Variants in RIMS1 observed in about 807,000 individuals in gnomAD.
The protein encoded by RIMS1 is regulating synaptic membrane exocytosis protein 1.
A neutral mutation model predicts 214.1 loss-of-function variants in RIMS1; 83 were observed. That is an observed-to-expected ratio of 0.39 (90% CI 0.32 to 0.47). RIMS1 has a LOEUF of 0.47. Among genes scored for constraint, RIMS1 ranks in the 20% least tolerant of loss-of-function variants. RIMS1 has a pLI of 0.99. For synonymous variants in RIMS1, 793 were observed against 786.8 expected, an observed-to-expected ratio of 1.01 and a Z score of -0.13; for missense variants, 2,050 against 2,161.8, an observed-to-expected ratio of 0.95 and a Z score of 1.03.
chr6:72,266,554 T>C (rs1016514504), intron 22 of RIMS1, among the ~76,000 whole-genome samples: 2 of 152,190 alleles, frequency 1.3e-5, no homozygotes, highest in Non-Finnish European at 2.9e-5. Flanking sequence ...CTCTTTGATA[T>C]AATGTTTTAC....
At chr6:72,356,049 A>G (rs1209048004) in intron 29 of RIMS1, among the ~76,000 whole-genome samples, 1 of 152,202 alleles carries the variant, frequency 6.6e-6, no homozygotes, top group East Asian at 1.9e-4. Context: ...ATTCCAGTCT[A>G]CTATATTAAG....
In RIMS1 at chr6:72,338,686, A is replaced by T. The variant is rs192913108; in HGVS notation, c.4366+4851A>T. Among the ~76,000 whole-genome samples, 54 of 152,126 alleles carry T rather than the reference A, an allele frequency of 3.5e-4. No individual in the cohort carries two copies. The East Asian group carries it at 9.9e-3, about 28-fold the overall frequency. On this transcript the variant is annotated intron_variant, in intron 29 of 33. Transcript: ENST00000521978. ...GAACAGACACTTCTCAAAATAAGAC[A>T]TTTATGCAGCCAAAACACACAAGAC...
At position 71,945,635 on chromosome 6, in the gene RIMS1, C is replaced by T. The variant is rs536678857; in HGVS notation, c.165-23348C>T. ...ACAAGGATGCCCACTCACACCACTT[C>T]TATTCAACATAATACTGGATGCCCT... On this transcript the variant is annotated intron_variant, in intron 1 of 33. Coordinates refer to ENST00000521978, the MANE Select transcript of RIMS1 (RefSeq NM_014989.7). 1.2e-4 allele frequency among the ~76,000 whole-genome samples: 18 copies of T among 152,186 alleles called. 1 individual carries two copies. The South Asian group carries it at 3.7e-3, about 32-fold the overall frequency.
At chr6:72,125,328 T>C (rs1260796127) in intron 4 of RIMS1, among the ~76,000 whole-genome samples, 1 of 152,132 alleles carries the variant, frequency 6.6e-6, no homozygotes, top group Non-Finnish European at 1.5e-5. Flanking sequence ...GAACAGCAAA[T>C]ATTGCTGCCT....
At chr6:71,979,888 G>A (rs1798076925) in intron 2 of RIMS1, among the ~76,000 whole-genome samples, 1 of 152,092 alleles carries the variant, frequency 6.6e-6, no homozygotes, top group Non-Finnish European at 1.5e-5. Flanking sequence ...CAGTAAAAAT[G>A]AAGATTAGAT....
At chr6:72,060,203 A>T (rs1259173145) in intron 2 of RIMS1, among the ~76,000 whole-genome samples, 2 of 152,046 alleles carry the variant, frequency 1.3e-5, no homozygotes, top group Admixed American at 6.6e-5. Flanking sequence ...TCCCGACCTC[A>T]GGTGATCCAC....
intron 2 of RIMS1, among the ~76,000 whole-genome samples, chr6:72,051,478 T>TCTGGGTAATCTAGCGAGAGAGG (rs1824645139): frequency 6.6e-6 from 1 of 152,194 alleles, no homozygotes; most frequent in Non-Finnish European, 1.5e-5. Context: ...AGAATTTAAA[T>TCTGGGTAATCTAGCGAGAGAGG]CTGGGTAATC....
At position 71,904,330 on chromosome 6, in the gene RIMS1, A is replaced by T. The variant is rs570885759; in HGVS notation, c.164+17143A>T. Among the ~76,000 whole-genome samples the T allele has an allele frequency of 2.6e-5, 4 of 152,304 alleles. No individual in the cohort carries two copies. In the South Asian group the frequency reaches 8.3e-4, roughly 32 times the overall value. The stretch of plus-strand genomic sequence containing the variant: ...CAACACCTGTGTGGGAAGGGAAGTC[A>T]ACAGATTGGAAAGTAGGAGAAAGTG... On this transcript the variant is annotated intron_variant, in intron 1 of 33. Coordinates refer to ENST00000521978, the MANE Select transcript of RIMS1 (RefSeq NM_014989.7).
Position 71,886,988 on chromosome 6 carries a change from C to T in RIMS1, c.-36C>T. 1 of 1,604,714 alleles carries T rather than the reference C, an allele frequency of 6.2e-7. No homozygotes were observed. The highest frequency in any genetic ancestry group is 8.5e-7 in the Non-Finnish European group (1 of 1,175,414). On this transcript the variant is annotated 5_prime_UTR_variant, in exon 1 of 34. Transcript: ENST00000521978. Reference sequence around the variant, plus strand: ...GGGCGTGCATCCGAAAGGTGAGAGCCAGAGAGCGAGCAGAGGGGGCGGGCA... The same window carrying T: ...GGGCGTGCATCCGAAAGGTGAGAGCTAGAGAGCGAGCAGAGGGGGCGGGCA...
intron 23 of RIMS1, among the ~76,000 whole-genome samples, chr6:72,281,962 T>G (rs758005468): frequency 2.0e-4 from 31 of 151,354 alleles, no homozygotes; most frequent in Admixed American, 4.6e-4. Flanking sequence ...GAGAATTGTG[T>G]TTTTTTTTCC....
rs1284893055 is a variant in RIMS1, at chr6:72,397,949, T to G, written c.4619-300T>G. 5.3e-5 allele frequency among the ~76,000 whole-genome samples: 8 copies of G among 152,052 alleles called. No homozygotes were observed. The East Asian group carries it at 1.5e-3, about 29-fold the overall frequency. ...TATTATATACTGGATGAAATAAGAG[T>G]AAGAAATCTTATTAAGTACAAGAAT... is the stretch of plus-strand genomic sequence containing the variant. On this transcript the variant is annotated intron_variant, in intron 31 of 33. Coordinates refer to ENST00000521978, the MANE Select transcript of RIMS1 (RefSeq NM_014989.7).
At chr6:71,901,177 A>G (rs986805688) in intron 1 of RIMS1, among the ~76,000 whole-genome samples, 12 of 152,216 alleles carry the variant, frequency 7.9e-5, no homozygotes, top group African/African-American at 2.9e-4. Flanking sequence ...TGTGGGCATG[A>G]TAGAGCCACT....
intron 2 of RIMS1, among the ~76,000 whole-genome samples, chr6:71,984,569 C>T (rs1003754031): frequency 1.3e-5 from 2 of 152,104 alleles, no homozygotes; most frequent in South Asian, 2.1e-4. Context: ...TTATATTATA[C>T]TTTGTGCTTT....
intron 6 of RIMS1, among the ~76,000 whole-genome samples, chr6:72,215,087 T>A (rs2055244703): frequency 6.6e-6 from 1 of 152,168 alleles, no homozygotes; most frequent in Non-Finnish European, 1.5e-5. Context: ...CCAGACAAAA[T>A]GAGTATATTG....
At chr6:72,067,882 A>G (rs1050329760) in intron 2 of RIMS1, among the ~76,000 whole-genome samples, 1 of 152,232 alleles carries the variant, frequency 6.6e-6, no homozygotes, top group Non-Finnish European at 1.5e-5. Context: ...ATCTATTTAT[A>G]TATTCCTCAT....
At chr6:72,398,482 G>C in intron 32 of RIMS1, 132 bp downstream of exon 32, 1 of 571,130 alleles carries the variant, frequency 1.8e-6, no homozygotes, top group Non-Finnish European at 3.0e-6. Flanking sequence ...GTGTTTCTGT[G>C]TTCTTTGATG....
intron 24 of RIMS1, among the ~76,000 whole-genome samples, chr6:72,287,249 C>T (rs991040668): frequency 6.6e-6 from 1 of 152,184 alleles, no homozygotes; most frequent in Admixed American, 6.5e-5. Context: ...AGGCCTGTAA[C>T]GGACCAGCAC....
At chr6:72,383,282 T>C (rs760631489) in intron 29 of RIMS1, among the ~76,000 whole-genome samples, 4 of 152,168 alleles carry the variant, frequency 2.6e-5, no homozygotes, top group Non-Finnish European at 5.9e-5. Flanking sequence ...TATGTCTCCT[T>C]CTAGACTATG....
intron 2 of RIMS1, among the ~76,000 whole-genome samples, chr6:72,014,458 C>A (rs1374646904): frequency 2.0e-5 from 3 of 152,208 alleles, no homozygotes; most frequent in Non-Finnish European, 4.4e-5. Context: ...TTTTTTATTG[C>A]TGGATAATAT....
Sources: gnomAD v4.1 joint callset for allele counts (sites outside exome capture counted in the v4.1 genomes callset) on GRCh38, gnomAD v4.1.1 for gene constraint, MANE v1.5 for transcripts, NCBI Gene and HGNC (gene_info 2026-07-23, HGNC 2026-07-21) for gene names.